CFAP299: variants seen among roughly 807,000 people sequenced by gnomAD.
The protein encoded by CFAP299 is cilia and flagella associated protein 299.
In CFAP299, 21 loss-of-function variants were observed where a neutral mutation model predicts 27.0. That is an observed-to-expected ratio of 0.78 (90% CI 0.55 to 1.12). CFAP299 has a LOEUF of 1.12. Among genes scored for constraint, CFAP299 ranks in the 50% most tolerant of loss-of-function variants. The probability of loss-of-function intolerance (pLI) is 0.00; values close to 1 mark genes in which losing one functional copy is unlikely to be tolerated. For missense variants in CFAP299, 310 were observed against 276.6 expected, an observed-to-expected ratio of 1.12 and a Z score of -0.86; for synonymous variants, 104 against 98.1, an observed-to-expected ratio of 1.06 and a Z score of -0.36.
intron 4 of CFAP299, among the ~76,000 whole-genome samples, chr4:80,913,271 T>C (rs1735571527): frequency 6.6e-6 from 1 of 152,070 alleles, no homozygotes; most frequent in African/African-American, 2.4e-5. Context: ...AGAAAATAAA[T>C]ATATTATATG....
At chr4:80,869,382 T>C (rs1007754360) in intron 3 of CFAP299, among the ~76,000 whole-genome samples, 2 of 152,216 alleles carry the variant, frequency 1.3e-5, no homozygotes, top group African/African-American at 4.8e-5. Context: ...CAGCACAGTA[T>C]TCTCAGCATT....
At chr4:80,538,412 G>T (rs189288134) in intron 2 of CFAP299, among the ~76,000 whole-genome samples, 1 of 151,574 alleles carries the variant, frequency 6.6e-6, no homozygotes, top group Non-Finnish European at 1.5e-5. Context: ...TAGCTTAACT[G>T]TACAGTGTAT....
chr4:80,785,511 A>G (rs1727192481), intron 3 of CFAP299, among the ~76,000 whole-genome samples: 1 of 152,152 alleles, frequency 6.6e-6, no homozygotes, highest in African/African-American at 2.4e-5. Context: ...TTTCTGCTGG[A>G]TGCTTGCATT....
intron 2 of CFAP299, among the ~76,000 whole-genome samples, chr4:80,456,791 G>C (rs984862706): frequency 2.6e-5 from 4 of 152,122 alleles, no homozygotes; most frequent in African/African-American, 9.7e-5. Flanking sequence ...ATGTAATCAT[G>C]TAAATGAATA....
chr4:80,753,274 T>G (rs1725039448), intron 3 of CFAP299, among the ~76,000 whole-genome samples: 1 of 152,130 alleles, frequency 6.6e-6, no homozygotes, highest in South Asian at 2.1e-4. Context: ...AATTCTAGAT[T>G]GACATAATTT....
intron 2 of CFAP299, among the ~76,000 whole-genome samples, chr4:80,451,928 TA>T (rs1320036866): frequency 1.3e-5 from 2 of 152,216 alleles, no homozygotes; most frequent in Admixed American, 6.5e-5. Flanking sequence ...GGTCCTATAG[TA>T]AACACTAGGG....
At chr4:80,782,627 T>G (rs1427427621) in intron 3 of CFAP299, among the ~76,000 whole-genome samples, 1 of 106,400 alleles carries the variant, frequency 9.4e-6, no homozygotes, top group Non-Finnish European at 2.1e-5. Flanking sequence ...TATAATATAT[T>G]CATATATAAT....
chr4:80,813,277 G>A lies in CFAP299; in HGVS notation c.334-56716G>A, dbSNP rs149046785. ...TTAAATGTATAAGAAAAATTATCTC[G>A]AGCCTTTGGCACAGTAAATTTAGAA... is the stretch of plus-strand genomic sequence containing the variant. On this transcript the variant is annotated intron_variant, in intron 3 of 5. Coordinates refer to ENST00000358105, the MANE Select transcript of CFAP299 (RefSeq NM_152770.3). 2.6e-3 allele frequency among the ~76,000 whole-genome samples: 393 copies of A among 151,794 alleles called. 4 individuals are homozygous for A. The highest frequency in any genetic ancestry group is 7.8e-3 in the African/African-American group (323 of 41,436).
At chr4:80,601,334 A>T (rs1413073011) in intron 3 of CFAP299, among the ~76,000 whole-genome samples, 1 of 151,996 alleles carries the variant, frequency 6.6e-6, no homozygotes, top group African/African-American at 2.4e-5. Flanking sequence ...ACTTCTTAAA[A>T]TTTTTCATGT....
intron 3 of CFAP299, among the ~76,000 whole-genome samples, chr4:80,667,843 T>C (rs898459771): frequency 6.6e-6 from 1 of 152,180 alleles, no homozygotes; most frequent in African/African-American, 2.4e-5. Context: ...TACTCAGTAG[T>C]GTAATTGCTG....
chr4:80,813,499 G>A (rs771742518), intron 3 of CFAP299, among the ~76,000 whole-genome samples: 1 of 151,906 alleles, frequency 6.6e-6, no homozygotes, highest in Non-Finnish European at 1.5e-5. Flanking sequence ...TTACAGAAAG[G>A]ACATCCTTTT....
At chr4:80,498,732 C>G (rs1475602891) in intron 2 of CFAP299, among the ~76,000 whole-genome samples, 1 of 152,042 alleles carries the variant, frequency 6.6e-6, no homozygotes, top group Non-Finnish European at 1.5e-5. Flanking sequence ...ACTCAGCAAT[C>G]GGATTACAGG....
chr4:80,390,690 T>C (rs536755999), intron 2 of CFAP299, among the ~76,000 whole-genome samples: 19 of 139,630 alleles, frequency 1.4e-4, no homozygotes, highest in East Asian at 4.2e-4. Flanking sequence ...TACACACATA[T>C]ATGTGTATAT....
intron 1 of CFAP299, among the ~76,000 whole-genome samples, chr4:80,353,240 T>A: frequency 6.6e-6 from 1 of 152,216 alleles, no homozygotes; most frequent in East Asian, 1.9e-4. Flanking sequence ...TTACTGCTTA[T>A]TGTGGATAAA....
chr4:80,799,784 T>TA (rs1341123318), intron 3 of CFAP299, among the ~76,000 whole-genome samples: 7 of 32,324 alleles, frequency 2.2e-4, no homozygotes, highest in Non-Finnish European at 3.2e-4. Flanking sequence ...GATATATATA[T>TA]TATATATTAT....
chr4:80,674,358 C>T (rs1030626064), intron 3 of CFAP299, among the ~76,000 whole-genome samples: 1 of 152,182 alleles, frequency 6.6e-6, no homozygotes, highest in African/African-American at 2.4e-5. Flanking sequence ...CCCCCACTCT[C>T]TTCTGGCTTA....
chr4:80,620,410 C>T (rs1304324033), intron 3 of CFAP299, among the ~76,000 whole-genome samples: 1 of 152,128 alleles, frequency 6.6e-6, no homozygotes, highest in Non-Finnish European at 1.5e-5. Context: ...AGTTGCCAGA[C>T]ATGGCATAGT....
At chr4:80,906,023 C>T (rs1396661778) in intron 4 of CFAP299, among the ~76,000 whole-genome samples, 1 of 152,158 alleles carries the variant, frequency 6.6e-6, no homozygotes, top group Non-Finnish European at 1.5e-5. Flanking sequence ...AGTCCAAAGT[C>T]TCATCTGAGA....
chr4:80,806,809 C>G (rs375513714), intron 3 of CFAP299, among the ~76,000 whole-genome samples: 2 of 152,112 alleles, frequency 1.3e-5, no homozygotes, highest in Non-Finnish European at 2.9e-5. Flanking sequence ...ATTCACAGCA[C>G]CCCTTTTTTC....
Sources: gnomAD v4.1 joint callset for allele counts (sites outside exome capture counted in the v4.1 genomes callset) on GRCh38, gnomAD v4.1.1 for gene constraint, MANE v1.5 for transcripts, NCBI Gene and HGNC (gene_info 2026-07-23, HGNC 2026-07-21) for gene names.